The following FAT3 variants were observed in gnomAD, a reference collection of about 807,000 sequenced individuals.
The protein encoded by FAT3 is FAT atypical cadherin 3, also known as protocadherin Fat 3.
Under a neutral mutation model 310.2 loss-of-function variants are expected in FAT3, and 95 were observed. The observed-to-expected ratio is 0.31, with a 90% CI of 0.26 to 0.36. The LOEUF (loss-of-function observed/expected upper bound fraction) is 0.36, where lower values mean the gene tolerates loss of function less well. FAT3 is among the 10% of genes least tolerant of loss of function. The probability of loss-of-function intolerance (pLI) is 1.00; values close to 1 mark genes in which losing one functional copy is unlikely to be tolerated. For synonymous variants in FAT3, 2,314 were observed against 2,192.9 expected, an observed-to-expected ratio of 1.06 and a Z score of -1.54; for missense variants, 5,408 against 5,715.6, an observed-to-expected ratio of 0.95 and a Z score of 1.74.
chr11:92,691,884 TAGA>T (rs879225612), intron 3 of FAT3, among the ~76,000 whole-genome samples: 5 of 152,314 alleles, frequency 3.3e-5, no homozygotes, highest in Admixed American at 3.3e-4. Context: ...TGTATATTCT[TAGA>T]CTATATGATA....
At chr11:92,327,584 C>T (rs530287540) in intron 1 of FAT3, among the ~76,000 whole-genome samples, 1 of 152,332 alleles carries the variant, frequency 6.6e-6, no homozygotes, top group East Asian at 1.9e-4. Flanking sequence ...GATTATAAGA[C>T]AGTGGATTAA....
intron 3 of FAT3, among the ~76,000 whole-genome samples, chr11:92,630,238 T>G (rs189239039): frequency 6.0e-4 from 91 of 152,318 alleles, no homozygotes; most frequent in Non-Finnish European, 1.1e-3. Flanking sequence ...CCTGTGACAC[T>G]GTGCTCTCTT....
At chr11:92,390,732 GCCT>G (rs1949729675) in intron 2 of FAT3, among the ~76,000 whole-genome samples, 1 of 152,092 alleles carries the variant, frequency 6.6e-6, no homozygotes, top group Non-Finnish European at 1.5e-5. Context: ...CTCTAATATG[GCCT>G]CCTGGAGCAG....
chr11:92,800,011 G>A lies in FAT3; in HGVS notation c.6998G>A (p.Ser2333Asn), dbSNP rs987954422. 1.2e-6 allele frequency: 2 copies of A among 1,613,910 alleles called. No individual in the cohort carries two copies. Among genetic ancestry groups the A allele is most frequent in the Admixed American group, 3.3e-5 (2 of 60,024 alleles). ...HYQIVQDTYN[S>N]TDYFHIDSSS... ...CAGATTGTCCAGGATACCTACAATA[G>A]CACAGATTATTTTCACATAGATAGC... The change falls in exon 10 of 28, where the codon AGC (serine) becomes AAC (asparagine). Residue 2333 changes from serine to asparagine, a missense_variant. Coordinates refer to ENST00000525166, the MANE Select transcript of FAT3 (RefSeq NM_001367949.2).
intron 15 of FAT3, among the ~76,000 whole-genome samples, chr11:92,836,220 A>G (rs1487090368): frequency 6.6e-6 from 1 of 152,144 alleles, no homozygotes; most frequent in Non-Finnish European, 1.5e-5. Flanking sequence ...AATGGCAGAG[A>G]CCATTACTTG....
Position 92,663,024 on chromosome 11 carries a change from G to A in FAT3, c.3608-34360G>A, listed in dbSNP as rs140735193. Among the ~76,000 whole-genome samples the A allele has an allele frequency of 1.4e-3, 211 of 152,304 alleles. 2 individuals are homozygous for A. Among genetic ancestry groups the A allele is most frequent in the South Asian group, 4.8e-3 (23 of 4,830 alleles). On this transcript the variant is annotated intron_variant, in intron 3 of 27. Coordinates refer to ENST00000525166, the MANE Select transcript of FAT3 (RefSeq NM_001367949.2). Reference sequence around the variant, plus strand: ...ACTGGCTTAGGAAGACTGTGATGGGGTAGGCTGGAAGACATAAGACCATGC... The same window carrying A: ...ACTGGCTTAGGAAGACTGTGATGGGATAGGCTGGAAGACATAAGACCATGC...
intron 4 of FAT3, among the ~76,000 whole-genome samples, chr11:92,740,097 G>A (rs1478761643): frequency 2.6e-5 from 4 of 152,276 alleles, no homozygotes; most frequent in Middle Eastern, 6.8e-3. Flanking sequence ...CTAGTAGGGA[G>A]TTAACTTTGA....
intron 14 of FAT3, among the ~76,000 whole-genome samples, 198 bp from the exon 15 acceptor site, chr11:92,834,672 T>C (rs991819399): frequency 3.3e-5 from 5 of 152,230 alleles, no homozygotes; most frequent in African/African-American, 7.2e-5. Context: ...TTCAGTGTTA[T>C]GTTTGATGGA....
intron 3 of FAT3, among the ~76,000 whole-genome samples, chr11:92,673,863 G>C (rs1034414280): frequency 6.6e-6 from 1 of 152,040 alleles, no homozygotes; most frequent in Non-Finnish European, 1.5e-5. Context: ...AGATTGATAA[G>C]TTTCTATGTA....
chr11:92,878,466 C>T (rs557615203), intron 22 of FAT3, among the ~76,000 whole-genome samples: 55 of 151,644 alleles, frequency 3.6e-4, no homozygotes, highest in African/African-American at 1.3e-3. Context: ...CAATAGGCTA[C>T]CCAAGTTGAC....
At chr11:92,653,938 G>A (rs1942479780) in intron 3 of FAT3, among the ~76,000 whole-genome samples, 2 of 152,114 alleles carry the variant, frequency 1.3e-5, no homozygotes, top group African/African-American at 4.8e-5. Context: ...AAATCCCATA[G>A]CAATACCAAA....
chr11:92,781,150 C>T (rs1438349369), intron 7 of FAT3, among the ~76,000 whole-genome samples: 1 of 145,900 alleles, frequency 6.9e-6, no homozygotes, highest in Admixed American at 7.0e-5. Flanking sequence ...TCTCGTCTCA[C>T]TGCAACCTCC....
chr11:92,892,458 C>A lies in FAT3; in HGVS notation c.*1345C>A, dbSNP rs2136455255. 6.6e-6 allele frequency: 1 copy of A among 150,628 alleles called. No individual in the cohort carries two copies. Among genetic ancestry groups the A allele is most frequent in the African/African-American group, 2.4e-5 (1 of 40,958 alleles). The allele number at this position is 150,628 out of a possible 1,614,324, so 9.3% of individuals were successfully genotyped here. On this transcript the variant is annotated 3_prime_UTR_variant, in exon 28 of 28. Transcript: ENST00000525166. ...ACAGAGTCTTGCTCTGTCACCCAGG[C>A]TAGAGTGCAATGGCATGATCTCAGC...
At chr11:92,369,469 A>G (rs377409016) in intron 2 of FAT3, among the ~76,000 whole-genome samples, 13 of 152,194 alleles carry the variant, frequency 8.5e-5, no homozygotes, top group African/African-American at 2.2e-4. Context: ...AAGGACATAG[A>G]CCAAGTTTGT....
At chr11:92,605,805 T>C (rs1940262209) in intron 3 of FAT3, among the ~76,000 whole-genome samples, 1 of 146,266 alleles carries the variant, frequency 6.8e-6, no homozygotes, top group South Asian at 2.2e-4. Flanking sequence ...TGGCAGAGAC[T>C]GGTCTGCTGC....
intron 2 of FAT3, among the ~76,000 whole-genome samples, chr11:92,373,638 A>C (rs2134727537): frequency 6.6e-6 from 1 of 152,052 alleles, no homozygotes; most frequent in African/African-American, 2.4e-5. Flanking sequence ...CGCGTGATGA[A>C]CTCCTACAGT....
intron 22 of FAT3, among the ~76,000 whole-genome samples, chr11:92,869,328 G>A (rs12284197): frequency 0.065 from 9,897 of 152,228 alleles, 1,083 homozygotes; most frequent in African/African-American, 0.22. Flanking sequence ...ACACCCGGAC[G>A]TGTCCCAGGT....
intron 2 of FAT3, among the ~76,000 whole-genome samples, chr11:92,401,521 A>G (rs543689912): frequency 6.6e-6 from 1 of 152,232 alleles, no homozygotes; most frequent in Non-Finnish European, 1.5e-5. Flanking sequence ...CAGGAAAGGG[A>G]CTAGAGCTGA....
At chr11:92,717,268 G>A (rs1316891862) in intron 4 of FAT3, among the ~76,000 whole-genome samples, 4 of 152,154 alleles carry the variant, frequency 2.6e-5, no homozygotes, top group Admixed American at 6.5e-5. Flanking sequence ...AAATGCAGAA[G>A]GGCATTTTGA....
Sources: allele counts gnomAD v4.1 joint callset (sites outside exome capture counted in the v4.1 genomes callset), GRCh38; gene constraint gnomAD v4.1.1; transcripts MANE v1.5; gene names NCBI Gene and HGNC (gene_info 2026-07-23, HGNC 2026-07-21).